DNAH9: variants seen among roughly 807,000 people sequenced by gnomAD.
The protein encoded by DNAH9 is dynein axonemal heavy chain 9.
A neutral mutation model predicts 471.6 loss-of-function variants in DNAH9; 345 were observed. The ratio of observed to expected loss-of-function variants is 0.73; its 90% confidence interval spans 0.67 to 0.80. The LOEUF (loss-of-function observed/expected upper bound fraction) is 0.80, where lower values mean the gene tolerates loss of function less well. DNAH9 is among the 30% of genes least tolerant of loss of function. The probability of loss-of-function intolerance (pLI) is 0.00; values close to 1 mark genes in which losing one functional copy is unlikely to be tolerated. For synonymous variants in DNAH9, 2,093 were observed against 2,123.6 expected (o/e 0.99, Z 0.40); for missense variants, 5,407 against 5,609.2 (o/e 0.96, Z 1.15).
intron 26 of DNAH9, 99 bp from the exon 27 acceptor site, chr17:11,719,235 C>CT: frequency 7.9e-7 from 1 of 1,269,100 alleles, no homozygotes; most frequent in Non-Finnish European, 1.1e-6. Context: ...TCTTGGCTTT[C>CT]TTTTCAGAAG....
At chr17:11,866,258 C>G (rs1256367669) in intron 50 of DNAH9, among the ~76,000 whole-genome samples, 1 of 152,132 alleles carries the variant, frequency 6.6e-6, no homozygotes, top group Admixed American at 6.6e-5. Flanking sequence ...AGCTGCAGGT[C>G]TGTTGGAGTT....
chr17:11,623,967 A>G lies in DNAH9; in HGVS notation c.1350+4186A>G, dbSNP rs2072923215. ...CTCTTCCTCTCTGGGTGCCTGCTAA[A>G]TGCCAGAGGTGGGGCTGGCTTGGAA... On this transcript the variant is annotated intron_variant, in intron 6 of 68. Transcript: ENST00000262442. The surrounding 1 kb of genome is among the most constrained non-coding windows in gnomAD (Gnocchi z 4.1). Among the ~76,000 whole-genome samples, 1 of 152,140 alleles carries G rather than the reference A, an allele frequency of 6.6e-6. No individual in the cohort carries two copies. Among genetic ancestry groups the G allele is most frequent in the African/African-American group, 2.4e-5 (1 of 41,430 alleles).
intron 67 of DNAH9, among the ~76,000 whole-genome samples, chr17:11,954,439 A>G (rs1468449917): frequency 6.6e-6 from 1 of 152,194 alleles, no homozygotes; most frequent in African/African-American, 2.4e-5. Context: ...CAAGAGGAGA[A>G]AAATAAAAAT....
chr17:11,691,660 T>G (rs1039256483), intron 20 of DNAH9, among the ~76,000 whole-genome samples: 20 of 152,230 alleles, frequency 1.3e-4, no homozygotes, highest in African/African-American at 4.8e-4. Context: ...GTAATTATAA[T>G]TTTCTATTCA....
intron 10 of DNAH9, among the ~76,000 whole-genome samples, chr17:11,643,872 CTAAG>C (rs1268149533): frequency 6.6e-6 from 1 of 152,126 alleles, no homozygotes; most frequent in African/African-American, 2.4e-5. Flanking sequence ...TAGCACTATA[CTAAG>C]TGTTTGTGTA....
rs750944825 is a variant in DNAH9, at chr17:11,932,119, G to A, written c.12211G>A (p.Gly4071Arg). The A allele has an allele frequency of 6.2e-7, 1 of 1,613,992 alleles. No individual in the cohort carries two copies. ...VAERRKFGPQGWNRSYPFNTG... is the reference protein window; with the variant it reads ...VAERRKFGPQRWNRSYPFNTG... The stretch of plus-strand genomic sequence containing the variant: ...AGAAAGACGAAAATTTGGGCCCCAG[G>A]GATGGAATCGCTCATACCCCTTTAA... The change falls in exon 64 of 69, where the codon GGA (glycine) becomes AGA (arginine). Residue 4071 changes from glycine to arginine, a missense_variant. Gly to Arg is a moderately radical substitution (Grantham distance 125, BLOSUM62 -2). Coordinates refer to ENST00000262442, the MANE Select transcript of DNAH9 (RefSeq NM_001372.4). This position sits in a 1 kb window ranked among gnomAD's most constrained non-coding sequence, Gnocchi z 4.3.
chr17:11,759,245 A>G (rs1425613319), intron 35 of DNAH9, among the ~76,000 whole-genome samples: 1 of 152,048 alleles, frequency 6.6e-6, no homozygotes, highest in African/African-American at 2.4e-5. Context: ...CATTGTATCC[A>G]ATGGGGGTAT....
In DNAH9 at chr17:11,744,983, G is replaced by A. The variant is rs3744577; in HGVS notation, c.6298G>A (p.Ala2100Thr). The A allele has an allele frequency of 1.7e-4, 272 of 1,614,064 alleles. No homozygotes were observed. The East Asian group carries it at 3.2e-3, about 19-fold the overall frequency. The change falls in exon 31 of 69, where the codon GCC becomes ACC. Residue 2100 changes from alanine to threonine, a missense_variant. By Grantham distance (58) the Ala-to-Thr change is moderately conservative (BLOSUM62 0). Around this residue, in one of 3 missense-constraint regions of DNAH9, gnomAD observed 4,636 missense variants for 4,900.3 expected, o/e 0.95. Coordinates refer to ENST00000262442, the MANE Select transcript of DNAH9 (RefSeq NM_001372.4). ...GGGCCTGATCGGGGACCTCTTTCCC[G>A]CCCTGGATGTCCCCCGGAGGAGAGA... ...FMGLIGDLFP[A>T]LDVPRRRDPN...
At chr17:11,696,183 A>G (rs964987405) in intron 22 of DNAH9, among the ~76,000 whole-genome samples, 2 of 152,130 alleles carry the variant, frequency 1.3e-5, no homozygotes, top group Non-Finnish European at 2.9e-5. Context: ...ACATTCATGC[A>G]TGTACAGTTT....
intron 45 of DNAH9, among the ~76,000 whole-genome samples, chr17:11,819,490 T>C (rs910568861): frequency 6.6e-6 from 1 of 152,076 alleles, no homozygotes; most frequent in African/African-American, 2.4e-5. Flanking sequence ...CAATCTCGGC[T>C]CACTGCAACC....
chr17:11,882,436 T>C (rs541821199), intron 55 of DNAH9, among the ~76,000 whole-genome samples: 1 of 152,306 alleles, frequency 6.6e-6, no homozygotes, highest in South Asian at 2.1e-4. Flanking sequence ...TAAATGTGAT[T>C]AGATTATACA....
At chr17:11,655,132 T>C (rs1425125556) in intron 14 of DNAH9, among the ~76,000 whole-genome samples, 1 of 151,908 alleles carries the variant, frequency 6.6e-6, no homozygotes, top group Non-Finnish European at 1.5e-5. Flanking sequence ...TCTTTTACCC[T>C]CCCCCACCTC....
chr17:11,696,357 C>T (rs936546834), intron 22 of DNAH9, among the ~76,000 whole-genome samples: 1 of 152,118 alleles, frequency 6.6e-6, no homozygotes, highest in African/African-American at 2.4e-5. Context: ...GATTGATATA[C>T]CACAGTTTGG....
chr17:11,901,258 A>G (rs755647370), intron 59 of DNAH9, among the ~76,000 whole-genome samples: 1 of 152,208 alleles, frequency 6.6e-6, no homozygotes, highest in Non-Finnish European at 1.5e-5. Flanking sequence ...AAAAGCTATC[A>G]GCAGTCAAAC....
intron 14 of DNAH9, among the ~76,000 whole-genome samples, chr17:11,657,902 T>A (rs1434894916): frequency 6.6e-6 from 1 of 152,066 alleles, no homozygotes; most frequent in Non-Finnish European, 1.5e-5. Context: ...TCTTGATTAT[T>A]GATCAAGAGA....
chr17:11,874,463 C>T (rs896690602), intron 52 of DNAH9, among the ~76,000 whole-genome samples: 16 of 152,202 alleles, frequency 1.1e-4, no homozygotes, highest in Admixed American at 5.2e-4. Context: ...AAAGAAAACC[C>T]GTCCAGCCTC....
rs903855924 is a variant in DNAH9 at position 11,822,017 on chromosome 17, G to A, written c.8805G>A (p.Glu2935=). The A allele has an allele frequency of 5.6e-6, 9 of 1,613,990 alleles. No individual in the cohort carries two copies. The highest frequency in any genetic ancestry group is 5.9e-6 in the Non-Finnish European group (7 of 1,179,994). The change falls in exon 46 of 69, where the codon GAG becomes GAA. Residue 2935 remains glutamate (E), a synonymous_variant. Coordinates refer to ENST00000262442, the MANE Select transcript of DNAH9 (RefSeq NM_001372.4). ...GCCAGGGTCTGGTTGACAACAGAGA[G>A]AACTGTTGGAAGTTCTTTATAGATC... ...VKSQGLVDNR[E]NCWKFFIDRI...
In DNAH9 at chr17:11,723,969, G is replaced by A. The variant is rs545940457; in HGVS notation, c.5710-3849G>A. Among the ~76,000 whole-genome samples the A allele has an allele frequency of 1.2e-3, 186 of 152,140 alleles. 1 individual carries two copies. Among genetic ancestry groups the A allele is most frequent in the African/African-American group, 4.0e-3 (167 of 41,516 alleles). ...ATTACAGGCGTGAGCCACTGTGCCC[G>A]GCTTGTTAAAAATTGAATTTTTAAA... On this transcript the variant is annotated intron_variant, in intron 27 of 68. Coordinates refer to ENST00000262442, the MANE Select transcript of DNAH9 (RefSeq NM_001372.4).
rs925944421 is a variant in DNAH9, at chr17:11,833,176, T to C, written c.9247-1462T>C. Among the ~76,000 whole-genome samples, 13 of 152,234 alleles carry C rather than the reference T, an allele frequency of 8.5e-5. No individual in the cohort carries two copies. The East Asian group carries it at 2.3e-3, about 27-fold the overall frequency. ...GCAGAATGGAAGTTTTCTCAGGTGCTGATATTCCCATCACTTTATTACTGC... is the reference window on the plus strand; with the variant it reads ...GCAGAATGGAAGTTTTCTCAGGTGCCGATATTCCCATCACTTTATTACTGC... On this transcript the variant is annotated intron_variant, in intron 48 of 68. Transcript: ENST00000262442.
Sources: gnomAD v4.1 joint callset for allele counts (sites outside exome capture counted in the v4.1 genomes callset) on GRCh38, gnomAD v4.1.1 for gene constraint, gnomAD v4.1.1 regional missense constraint, Gnocchi (gnomAD v3.1) non-coding constraint, MANE v1.5 for transcripts, NCBI Gene and HGNC (gene_info 2026-07-23, HGNC 2026-07-21) for gene names.